The following DPYSL2 variants were observed in gnomAD, a reference collection of about 807,000 sequenced individuals.
DPYSL2 encodes dihydropyrimidinase-related protein 2.
In DPYSL2, 13 loss-of-function variants were observed where a neutral mutation model predicts 69.9. That is an observed-to-expected ratio of 0.19 (90% CI 0.12 to 0.30). The LOEUF (loss-of-function observed/expected upper bound fraction) is 0.30. Among genes scored for constraint, DPYSL2 ranks in the 10% least tolerant of loss-of-function variants. The pLI, the probability that DPYSL2 is intolerant of heterozygous loss-of-function variation, is 1.00. For missense variants in DPYSL2, 587 were observed against 918.9 expected (o/e 0.64, Z 4.67); for synonymous variants, 326 against 359.1 (o/e 0.91, Z 1.04).
intron 1 of DPYSL2, among the ~76,000 whole-genome samples, chr8:26,552,187 C>T (rs548966511): frequency 3.3e-5 from 5 of 152,128 alleles, no homozygotes; most frequent in Non-Finnish European, 4.4e-5. Flanking sequence ...TATTTTTTAA[C>T]TATGAGAAGA....
Position 26,652,295 on chromosome 8 carries a change from C to T in DPYSL2, c.1635C>T (p.Arg545=), listed in dbSNP as rs144002094. 17 of 1,613,950 alleles carry T rather than the reference C, an allele frequency of 1.1e-5. No homozygotes were observed. The highest frequency in any genetic ancestry group is 4.0e-5 in the African/African-American group (3 of 74,906). The part of the protein sequence containing the change: ...EYNIFEGMEC[R]GSPLVVISQG... Reference sequence around the variant, plus strand: ...ACATCTTTGAAGGCATGGAGTGCCGCGGCTCCCCACTGGTGGTCATCAGCC... The same window carrying T: ...ACATCTTTGAAGGCATGGAGTGCCGTGGCTCCCCACTGGTGGTCATCAGCC... The change falls in exon 12 of 14, where the codon CGC becomes CGT. Residue 545 remains arginine (R), a synonymous_variant. Coordinates refer to ENST00000521913, the MANE Select transcript of DPYSL2 (RefSeq NM_001197293.3). This position sits in a 1 kb window ranked among gnomAD's most constrained non-coding sequence, Gnocchi z 6.3.
intron 1 of DPYSL2, among the ~76,000 whole-genome samples, chr8:26,532,058 G>A (rs986110636): frequency 4.6e-5 from 7 of 152,144 alleles, no homozygotes; most frequent in African/African-American, 1.7e-4. Context: ...GATCATGTTT[G>A]TGTAGAGAGA....
rs58931747 is a variant in DPYSL2, at chr8:26,626,482, AACACACACACACACACACAC to A, written c.794-114_794-95del. On this transcript the variant is annotated intron_variant, in intron 4 of 13. Coordinates refer to ENST00000521913, the MANE Select transcript of DPYSL2 (RefSeq NM_001197293.3). This position sits in a 1 kb window ranked among gnomAD's most constrained non-coding sequence, Gnocchi z 4.3. ...TCTCCTCTCTCTTTCTCTGTACTGA[AACACACACACACACACACAC>A]ACACACACACACACACACACGTACA... 23 of 547,370 alleles carry A rather than the reference AACACACACACACACACACAC, an allele frequency of 4.2e-5. No individual in the cohort carries two copies. Among genetic ancestry groups the A allele is most frequent in the South Asian group, 1.0e-4 (4 of 38,488 alleles). 33.9% of individuals were successfully genotyped at this position (547,370 alleles called of 1,614,324 possible). A position where few individuals can be genotyped will look rare whatever the true frequency, so the allele number is the denominator to read the frequency against.
rs1019581985 is a variant in DPYSL2 at position 26,588,915 on chromosome 8, C to T, written c.628+4932C>T. Among the ~76,000 whole-genome samples, 2 of 152,240 alleles carry T rather than the reference C, an allele frequency of 1.3e-5. No homozygotes were observed. Among genetic ancestry groups the T allele is most frequent in the Admixed American group, 6.5e-5 (1 of 15,288 alleles). Reference sequence around the variant, plus strand: ...TTTCATCTCTGTGTTACCTCTTGCACTCATTCCCTTACCCACACAGATTTG... The same window carrying T: ...TTTCATCTCTGTGTTACCTCTTGCATTCATTCCCTTACCCACACAGATTTG... On this transcript the variant is annotated intron_variant, in intron 3 of 13. Transcript: ENST00000521913. The surrounding 1 kb of genome is among the most constrained non-coding windows in gnomAD (Gnocchi z 5.4).
At chr8:26,612,802 G>A (rs1285872591) in intron 3 of DPYSL2, among the ~76,000 whole-genome samples, 2 of 152,208 alleles carry the variant, frequency 1.3e-5, no homozygotes, top group Admixed American at 6.5e-5. Context: ...AGAAGGAGGC[G>A]GTGGTTTAAG....
At position 26,591,489 on chromosome 8, in the gene DPYSL2, T is replaced by A. The variant is rs1031035689; in HGVS notation, c.628+7506T>A. 1.3e-5 allele frequency among the ~76,000 whole-genome samples: 2 copies of A among 152,146 alleles called. No individual in the cohort carries two copies. Among genetic ancestry groups the A allele is most frequent in the Non-Finnish European group, 2.9e-5 (2 of 68,014 alleles). ...GAGGACAGCGATCGTGGCCTCTCCATTTTCCTAAGGCCCCTGCATGCCTGG... is the reference window on the plus strand; with the variant it reads ...GAGGACAGCGATCGTGGCCTCTCCAATTTCCTAAGGCCCCTGCATGCCTGG... On this transcript the variant is annotated intron_variant, in intron 3 of 13. Transcript: ENST00000521913. The surrounding 1 kb of genome is among the most constrained non-coding windows in gnomAD (Gnocchi z 5.8).
At chr8:26,638,602 T>C (rs753636399) in intron 8 of DPYSL2, among the ~76,000 whole-genome samples, 2 of 152,218 alleles carry the variant, frequency 1.3e-5, no homozygotes, top group Admixed American at 6.5e-5. Flanking sequence ...TTCAGCAGGA[T>C]GGCGTGTTCA....
At chr8:26,568,768 T>G (rs1485694860) in intron 1 of DPYSL2, among the ~76,000 whole-genome samples, 1 of 152,136 alleles carries the variant, frequency 6.6e-6, no homozygotes, top group African/African-American at 2.4e-5. Context: ...TCCTTGGCCG[T>G]TTTCAGAATC....
At chr8:26,573,666 C>A (rs1461241157) in intron 1 of DPYSL2, among the ~76,000 whole-genome samples, 31 of 95,084 alleles carry the variant, frequency 3.3e-4, no homozygotes, top group Non-Finnish European at 4.3e-4. Flanking sequence ...AAGACTGTCT[C>A]AAAAAAAAAA....
chr8:26,653,490 A>G lies in DPYSL2; in HGVS notation c.1942+93A>G. 7.7e-7 allele frequency: 1 copy of G among 1,296,010 alleles called. No individual in the cohort carries two copies. The highest frequency in any genetic ancestry group is 1.1e-6 in the Non-Finnish European group (1 of 932,018). The allele number at this position is 1,296,010 out of a possible 1,614,324, so 80.3% of individuals were successfully genotyped here. A position where few individuals can be genotyped will look rare whatever the true frequency, so the allele number is the denominator to read the frequency against. ...TTGCATTTGGAAAGGACACAGAAAT[A>G]GAAGTGAATGATATTCCCTTTCTCT... On this transcript the variant is annotated intron_variant, in intron 13 of 13. Coordinates refer to ENST00000521913, the MANE Select transcript of DPYSL2 (RefSeq NM_001197293.3). This position sits in a 1 kb window ranked among gnomAD's most constrained non-coding sequence, Gnocchi z 5.7.
In DPYSL2 at chr8:26,627,825, G is replaced by T; in HGVS notation, c.937-47G>T. On this transcript the variant is annotated intron_variant, in intron 6 of 13. Coordinates refer to ENST00000521913, the MANE Select transcript of DPYSL2 (RefSeq NM_001197293.3). The surrounding 1 kb of genome is among the most constrained non-coding windows in gnomAD (Gnocchi z 6.9). ...CCCGGGCCTCTGCCATCAGAGCTGT[G>T]CAAAATCCACTCTCCCTCACAGCCT... The T allele has an allele frequency of 6.3e-7, 1 of 1,599,506 alleles. No homozygotes were observed. Among genetic ancestry groups the T allele is most frequent in the Non-Finnish European group, 8.5e-7 (1 of 1,171,498 alleles).
At chr8:26,524,835 A>AAG (rs1554531504) in intron 1 of DPYSL2, among the ~76,000 whole-genome samples, 2,052 of 73,828 alleles carry the variant, frequency 0.028, 83 homozygotes, top group Middle Eastern at 0.081. Flanking sequence ...AAAAAAAAAA[A>AAG]AGAGAGAGAA....
rs1231304047 is a variant in DPYSL2 at position 26,591,430 on chromosome 8, A to G, written c.628+7447A>G. Among the ~76,000 whole-genome samples, 1 of 152,156 alleles carries G rather than the reference A, an allele frequency of 6.6e-6. No individual in the cohort carries two copies. The highest frequency in any genetic ancestry group is 1.5e-5 in the Non-Finnish European group (1 of 68,038). On this transcript the variant is annotated intron_variant, in intron 3 of 13. Coordinates refer to ENST00000521913, the MANE Select transcript of DPYSL2 (RefSeq NM_001197293.3). The surrounding 1 kb of genome is among the most constrained non-coding windows in gnomAD (Gnocchi z 5.8). Reference sequence around the variant, plus strand: ...ATGTGTCTAAGTGTGCCCTTGTCCTATGTCCTGGCTGAGTGAGTTGGGCAG... The same window carrying G: ...ATGTGTCTAAGTGTGCCCTTGTCCTGTGTCCTGGCTGAGTGAGTTGGGCAG...
intron 1 of DPYSL2, among the ~76,000 whole-genome samples, chr8:26,524,737 G>A (rs1393129139): frequency 6.8e-6 from 1 of 146,812 alleles, no homozygotes; most frequent in Non-Finnish European, 1.5e-5. Flanking sequence ...GGGAGGCGGA[G>A]GTTGCAGTGA....
intron 1 of DPYSL2, among the ~76,000 whole-genome samples, chr8:26,558,379 T>C (rs1015693314): frequency 6.6e-6 from 1 of 152,208 alleles, no homozygotes; most frequent in Non-Finnish European, 1.5e-5. Flanking sequence ...TATGACATTC[T>C]GGCAAAGGAG....
intron 8 of DPYSL2, among the ~76,000 whole-genome samples, chr8:26,638,563 C>T (rs182295257): frequency 3.8e-4 from 58 of 152,310 alleles, no homozygotes; most frequent in Admixed American, 2.6e-3. Context: ...CTGAGAGACA[C>T]GCTGCTTCCA....
At chr8:26,636,825 C>G (rs532303671) in intron 8 of DPYSL2, among the ~76,000 whole-genome samples, 7 of 152,144 alleles carry the variant, frequency 4.6e-5, no homozygotes, top group Non-Finnish European at 1.0e-4. Flanking sequence ...ACTGCAGTCT[C>G]CGCCTCCTGG....
rs969867504 is a variant in DPYSL2 at position 26,598,990 on chromosome 8, C to T, written c.628+15007C>T. Among the ~76,000 whole-genome samples, 8 of 152,172 alleles carry T rather than the reference C, an allele frequency of 5.3e-5. No homozygotes were observed. The highest frequency in any genetic ancestry group is 1.0e-4 in the Non-Finnish European group (7 of 68,040). ...GAGTGCCCTTCTTGTGAAGGAAGCT[C>T]GTTCTCTACCGAAAAGCTCACTTTT... is the stretch of plus-strand genomic sequence containing the variant. On this transcript the variant is annotated intron_variant, in intron 3 of 13. Transcript: ENST00000521913. This position sits in a 1 kb window ranked among gnomAD's most constrained non-coding sequence, Gnocchi z 4.2.
Position 26,588,763 on chromosome 8 carries a change from G to A in DPYSL2, c.628+4780G>A, listed in dbSNP as rs913393580. Among the ~76,000 whole-genome samples, 4 of 152,150 alleles carry A rather than the reference G, an allele frequency of 2.6e-5. No homozygotes were observed. The highest frequency in any genetic ancestry group is 4.4e-5 in the Non-Finnish European group (3 of 68,014). On this transcript the variant is annotated intron_variant, in intron 3 of 13. Coordinates refer to ENST00000521913, the MANE Select transcript of DPYSL2 (RefSeq NM_001197293.3). This position sits in a 1 kb window ranked among gnomAD's most constrained non-coding sequence, Gnocchi z 5.4. ...CACCTCCATCCAACTGTCCCCAGTT[G>A]GACTCCCTGTCTGCTCCTTGCTGCT...
Sources: gnomAD v4.1 joint callset for allele counts (sites outside exome capture counted in the v4.1 genomes callset) on GRCh38, gnomAD v4.1.1 for gene constraint, Gnocchi (gnomAD v3.1) non-coding constraint, MANE v1.5 for transcripts, NCBI Gene and HGNC (gene_info 2026-07-23, HGNC 2026-07-21) for gene names.